PDXDC1: variants seen among roughly 807,000 people sequenced by gnomAD.
PDXDC1 encodes the protein pyridoxal-dependent decarboxylase domain-containing protein 1.
Under a neutral mutation model 100.1 loss-of-function variants are expected in PDXDC1, and 42 were observed. The observed-to-expected ratio is 0.42, with a 90% CI of 0.33 to 0.54. PDXDC1 has a LOEUF of 0.54. PDXDC1 is among the 20% of genes least tolerant of loss of function. The probability of loss-of-function intolerance (pLI) is 0.10; values close to 1 mark genes in which losing one functional copy is unlikely to be tolerated. For synonymous variants in PDXDC1, 260 were observed against 371.7 expected (o/e 0.70, Z 3.46); for missense variants, 636 against 979.2 (o/e 0.65, Z 4.68).
intron 13 of PDXDC1, among the ~76,000 whole-genome samples, chr16:15,024,962 A>G (rs2042479998): frequency 6.6e-6 from 1 of 152,310 alleles, no homozygotes; most frequent in Admixed American, 6.5e-5. Context: ...ATTAACACCC[A>G]AGACCCTAGC....
chr16:15,129,136 A>C (rs990975594), intron 16 of PDXDC1, among the ~76,000 whole-genome samples: 9 of 151,980 alleles, frequency 5.9e-5, no homozygotes, highest in Admixed American at 1.3e-4. Context: ...ATCAAAAGAA[A>C]GAACTGGGAA....
At chr16:15,033,063 CG>C (rs1416382212) in intron 18 of PDXDC1, 84 bp downstream of exon 18, 1 of 1,010,790 alleles carries the variant, frequency 9.9e-7, no homozygotes, top group Non-Finnish European at 1.6e-6. Flanking sequence ...CATCCCTTAG[CG>C]GGCTAGCGCC....
intron 3 of PDXDC1, among the ~76,000 whole-genome samples, chr16:15,001,198 TAAAA>T (rs1161953421): frequency 7.9e-5 from 12 of 151,878 alleles, no homozygotes; most frequent in East Asian, 3.9e-4. Flanking sequence ...CTACCAAAAA[TAAAA>T]AAACGGCTGG....
intron 11 of PDXDC1, among the ~76,000 whole-genome samples, 197 bp from the exon 12 acceptor site, chr16:15,018,643 T>C (rs1159172904): frequency 2.0e-5 from 3 of 152,202 alleles, no homozygotes; most frequent in Admixed American, 1.3e-4. Flanking sequence ...TGTGAACCCT[T>C]GGACAAACCG....
chr16:15,068,416 C>T lies in PDXDC1; in HGVS notation c.1399+38360C>T. ...TGCAGAAATGCTTTAAATAAAGGTC[C>T]ATGCAGATAGTCACACAGTATATGG... On this transcript the variant is annotated intron_variant, in intron 16 of 16. Coordinates refer to the PDXDC1 transcript ENST00000535621. 5.4e-6 allele frequency: 6 copies of T among 1,116,824 alleles called. No homozygotes were observed. The South Asian group carries it at 1.1e-4, about 20-fold the overall frequency. The allele number at this position is 1,116,824 out of a possible 1,614,324, so 69.2% of individuals were successfully genotyped here.
At chr16:15,124,749 G>A (rs905174357) in intron 16 of PDXDC1, among the ~76,000 whole-genome samples, 10 of 152,114 alleles carry the variant, frequency 6.6e-5, no homozygotes, top group African/African-American at 4.8e-5. Flanking sequence ...TCCAGCCTAG[G>A]CGACAGAGCG....
chr16:15,028,988 C>A (rs765465336), intron 15 of PDXDC1, 22 bp downstream of exon 15: 2 of 1,608,336 alleles, frequency 1.2e-6, no homozygotes, highest in Non-Finnish European at 1.7e-6. Flanking sequence ...AGTCACCCCC[C>A]TTTCCTTTCA....
intron 16 of PDXDC1, chr16:15,128,258 C>G: frequency 6.2e-7 from 1 of 1,611,218 alleles, no homozygotes; most frequent in Non-Finnish European, 8.5e-7. Context: ...CACACGCTAC[C>G]CAGGCTGTGC....
At chr16:15,127,990 A>T in intron 16 of PDXDC1, 12 of 1,588,290 alleles carry the variant, frequency 7.6e-6, no homozygotes, top group Non-Finnish European at 9.5e-6. Flanking sequence ...ACGAGGCCTT[A>T]CTCGCGGCCA....
chr16:15,062,293 C>A (rs1475142117), intron 16 of PDXDC1, among the ~76,000 whole-genome samples: 1 of 152,184 alleles, frequency 6.6e-6, no homozygotes, highest in Non-Finnish European at 1.5e-5. Flanking sequence ...GGACAGGAAA[C>A]ATGACGAGTC....
At chr16:14,999,429 C>G (rs1972684877) in intron 3 of PDXDC1, among the ~76,000 whole-genome samples, 1 of 151,912 alleles carries the variant, frequency 6.6e-6, no homozygotes, top group African/African-American at 2.4e-5. Flanking sequence ...ATACATGGAG[C>G]TAGGCACCGT....
At chr16:15,016,557 A>C (rs1259527765) in intron 9 of PDXDC1, among the ~76,000 whole-genome samples, 1 of 152,298 alleles carries the variant, frequency 6.6e-6, no homozygotes, top group Non-Finnish European at 1.5e-5. Flanking sequence ...CCTTCTTTCC[A>C]GCTTCGTGGT....
chr16:15,150,085 C>A, the PDXDC1 span, among the ~76,000 whole-genome samples: 4 of 152,060 alleles, frequency 2.6e-5, no homozygotes, highest in Admixed American at 6.6e-5. Flanking sequence ...TGGCTCAAGC[C>A]TGTAATCCCA....
intron 16 of PDXDC1, among the ~76,000 whole-genome samples, chr16:15,088,834 G>C (rs575970689): frequency 2.4e-4 from 37 of 152,252 alleles, no homozygotes; most frequent in African/African-American, 8.7e-4. Flanking sequence ...TTGTAAACCA[G>C]ATCTGTAACT....
intron 8 of PDXDC1, among the ~76,000 whole-genome samples, chr16:15,014,896 A>G (rs2041663130): frequency 6.6e-6 from 1 of 152,286 alleles, no homozygotes; most frequent in African/African-American, 2.4e-5. Context: ...GTTCTGTATT[A>G]CAAGGAACCT....
At chr16:15,066,904 T>C (rs2045004430) in intron 16 of PDXDC1, among the ~76,000 whole-genome samples, 1 of 152,054 alleles carries the variant, frequency 6.6e-6, no homozygotes, top group African/African-American at 2.4e-5. Flanking sequence ...CCAATGCGCA[T>C]GCCAACCCCA....
At chr16:15,131,382 C>T in intron 16 of PDXDC1, 1 of 1,594,860 alleles carries the variant, frequency 6.3e-7, no homozygotes, top group South Asian at 1.1e-5. Flanking sequence ...GATTGGAGTC[C>T]ACCAGAAAGA....
In PDXDC1 at chr16:15,061,846, G is replaced by A. The variant is rs373853014; in HGVS notation, c.1399+31790G>A. The A allele has an allele frequency of 1.2e-4, 189 of 1,613,888 alleles. No homozygotes were observed. Among genetic ancestry groups the A allele is most frequent in the Non-Finnish European group, 1.6e-4 (184 of 1,179,846 alleles). On this transcript the variant is annotated intron_variant, in intron 16 of 16. Transcript: ENST00000535621. ...AGGAGCTTGGTGTGATCCCAATCAC[G>A]GTATCATTCTGGGGCACTTCGCCTT...
At chr16:14,978,812 T>C (rs1482608808) in intron 1 of PDXDC1, among the ~76,000 whole-genome samples, 2 of 152,302 alleles carry the variant, frequency 1.3e-5, no homozygotes, top group African/African-American at 4.8e-5. Flanking sequence ...TTGCATTTAC[T>C]TTAATTCTGT....
Sources: gnomAD v4.1 joint callset for allele counts (sites outside exome capture counted in the v4.1 genomes callset) on GRCh38, gnomAD v4.1.1 for gene constraint, MANE v1.5 for transcripts, NCBI Gene and HGNC (gene_info 2026-07-23, HGNC 2026-07-21) for gene names.